METTL6: variants seen among roughly 807,000 people sequenced by gnomAD.
METTL6 encodes tRNA N(3)-cytidine methyltransferase METTL6.
In METTL6, 22 loss-of-function variants were observed where a neutral mutation model predicts 26.4. That is an observed-to-expected ratio of 0.83 (90% CI 0.59 to 1.19). The LOEUF is 1.19. Ranked by LOEUF, METTL6 falls within the 50% of genes most tolerant of loss-of-function variation. The pLI is 0.00. For synonymous variants in METTL6, 109 were observed against 116.2 expected (o/e 0.94, Z 0.40); for missense variants, 304 against 324.8 (o/e 0.94, Z 0.49).
exon 7 of METTL6, chr3:15,382,853 T>C (rs1699109817): frequency 6.6e-6 from 1 of 152,244 alleles, no homozygotes; most frequent in South Asian, 2.1e-4. Context: ...CTGGAAGATA[T>C]TATGCTAAGT....
chr3:15,411,780 T>G (rs1397097360), intron 5 of METTL6, among the ~76,000 whole-genome samples: 1 of 152,030 alleles, frequency 6.6e-6, no homozygotes, highest in East Asian at 1.9e-4. Context: ...AAAATTTTTT[T>G]TTGAGACACA....
chr3:15,411,669 G>A (rs905495990), intron 5 of METTL6, among the ~76,000 whole-genome samples: 1 of 151,866 alleles, frequency 6.6e-6, no homozygotes, highest in Admixed American at 6.6e-5. Context: ...GGACAACCTG[G>A]TGTTCGCATC....
intron 5 of METTL6, among the ~76,000 whole-genome samples, chr3:15,412,278 T>G (rs1262750671): frequency 6.6e-6 from 1 of 151,956 alleles, no homozygotes; most frequent in South Asian, 2.1e-4. Flanking sequence ...AAATAATACA[T>G]CACTACACAT....
intron 6 of METTL6, among the ~76,000 whole-genome samples, chr3:15,403,984 C>T (rs558321680): frequency 1.7e-4 from 26 of 152,290 alleles, no homozygotes; most frequent in African/African-American, 4.8e-4. Flanking sequence ...TCACTCTCGT[C>T]GCCATCTTGG....
intron 6 of METTL6, among the ~76,000 whole-genome samples, chr3:15,398,836 A>G (rs1699561469): frequency 6.6e-6 from 1 of 152,176 alleles, no homozygotes; most frequent in Admixed American, 6.5e-5. Context: ...CAGCGACTCC[A>G]TCTTGAATAG....
chr3:15,394,553 T>A (rs1699436132), intron 6 of METTL6, among the ~76,000 whole-genome samples: 1 of 152,244 alleles, frequency 6.6e-6, no homozygotes. Context: ...TTGAATATGT[T>A]TGCTCTTGCT....
Position 15,411,162 on chromosome 3 carries a change from TG to T in METTL6, c.*93del. Reference sequence around the variant, plus strand: ...CCCCAACCTCGGCCTCCCGAAGTGCTGGGATTACAGGCATGAGCCACCGCAC... The same window carrying T: ...CCCCAACCTCGGCCTCCCGAAGTGCTGGATTACAGGCATGAGCCACCGCAC... On this transcript the variant is annotated 3_prime_UTR_variant, in exon 6 of 6. Transcript: ENST00000383790. The T allele has an allele frequency of 7.2e-7, 1 of 1,395,926 alleles. No individual in the cohort carries two copies. Among genetic ancestry groups the T allele is most frequent in the Non-Finnish European group, 9.7e-7 (1 of 1,030,650 alleles). 86.5% of individuals were successfully genotyped at this position (1,395,926 alleles called of 1,614,324 possible). A position where few individuals can be genotyped will look rare whatever the true frequency, so the allele number is the denominator to read the frequency against.
chr3:15,381,733 C>T (rs946622081), exon 7 of METTL6: 2 of 152,092 alleles, frequency 1.3e-5, no homozygotes, highest in South Asian at 2.1e-4. Context: ...CACGCTAGGC[C>T]TCCTTGTCAC....
In METTL6 at chr3:15,426,532, C is replaced by A; in HGVS notation, c.-21G>T. 11 of 1,595,038 alleles carry A rather than the reference C, an allele frequency of 6.9e-6. No homozygotes were observed. The highest frequency in any genetic ancestry group is 9.4e-6 in the Non-Finnish European group (11 of 1,166,016). On this transcript the variant is annotated 5_prime_UTR_variant, in exon 2 of 6. Coordinates refer to ENST00000383790, the MANE Select transcript of METTL6 (RefSeq NM_152396.4). ...GCCATCTCTGAAACTGACGGTAACA[C>A]TTAACACAGCTGAAGATTCTCCATC... is the stretch of plus-strand genomic sequence containing the variant.
At chr3:15,419,337 C>G (rs1408030020) in intron 3 of METTL6, among the ~76,000 whole-genome samples, 5 of 152,236 alleles carry the variant, frequency 3.3e-5, no homozygotes, top group Admixed American at 6.5e-5. Flanking sequence ...TGGACAACTC[C>G]TACTACAAAC....
chr3:15,422,317 C>T (rs1454567296), intron 3 of METTL6, among the ~76,000 whole-genome samples: 1 of 151,466 alleles, frequency 6.6e-6, no homozygotes, highest in Non-Finnish European at 1.5e-5. Flanking sequence ...CAGAGTGAGA[C>T]CCTATCTCAA....
At chr3:15,391,598 A>G (rs1433466327) in intron 6 of METTL6, among the ~76,000 whole-genome samples, 1 of 151,572 alleles carries the variant, frequency 6.6e-6, no homozygotes, top group Non-Finnish European at 1.5e-5. Context: ...GTCGCACCCA[A>G]TAACTCGTCA....
downstream of METTL6, among the ~76,000 whole-genome samples, chr3:15,408,930 G>A (rs1043505098): frequency 1.3e-5 from 2 of 152,122 alleles, no homozygotes; most frequent in Non-Finnish European, 2.9e-5. Context: ...GCTGAAGCTG[G>A]CTGTGGGATT....
chr3:15,406,586 TTATATATATATATATATATA>T (rs57272118), downstream of METTL6, among the ~76,000 whole-genome samples: 1,562 of 17,880 alleles, frequency 0.087, 99 homozygotes, highest in East Asian at 0.19. Flanking sequence ...AAACAAACAG[TTATATATATATATATATATA>T]TATATATATA....
downstream of METTL6, among the ~76,000 whole-genome samples, chr3:15,405,203 G>GT (rs780595115): frequency 4.7e-4 from 72 of 152,322 alleles, 1 homozygote; most frequent in Non-Finnish European, 1.5e-4. Context: ...TGTCCAGCAC[G>GT]TATTTATGCT....
downstream of METTL6, among the ~76,000 whole-genome samples, chr3:15,406,629 TAG>T (rs1211289541): frequency 1.4e-3 from 30 of 20,734 alleles, 3 homozygotes; most frequent in Non-Finnish European, 1.7e-3. Flanking sequence ...TATATATATA[TAG>T]AGAGAGAGAG....
chr3:15,407,991 G>T (rs1699846334), downstream of METTL6, among the ~76,000 whole-genome samples: 3 of 152,176 alleles, frequency 2.0e-5, no homozygotes, highest in Admixed American at 1.3e-4. Context: ...ATCCTTAAGT[G>T]TATAAGACCT....
intron 1 of METTL6, among the ~76,000 whole-genome samples, chr3:15,426,880 A>G (rs1437242213): frequency 6.6e-6 from 1 of 152,202 alleles, no homozygotes. Flanking sequence ...CAATAAATCG[A>G]TTTAGTTTAC....
chr3:15,420,641 GTA>G (rs887247378), intron 3 of METTL6, among the ~76,000 whole-genome samples: 3 of 152,110 alleles, frequency 2.0e-5, no homozygotes, highest in African/African-American at 7.2e-5. Flanking sequence ...ACTTTGCTAT[GTA>G]TATAGTGTAT....
Sources: gnomAD v4.1 joint callset for allele counts (sites outside exome capture counted in the v4.1 genomes callset) on GRCh38, gnomAD v4.1.1 for gene constraint, MANE v1.5 for transcripts, NCBI Gene and HGNC (gene_info 2026-07-23, HGNC 2026-07-21) for gene names.